The following SCAI variants were observed in gnomAD, a reference collection of about 807,000 sequenced individuals.
The protein encoded by SCAI is protein SCAI.
Under a neutral mutation model 92.2 loss-of-function variants are expected in SCAI, and 24 were observed. The ratio of observed to expected loss-of-function variants is 0.26; its 90% CI spans 0.19 to 0.37. The LOEUF (loss-of-function observed/expected upper bound fraction) is 0.37. Ranked by LOEUF, SCAI falls within the 10% of genes least tolerant of loss-of-function variation. The probability of loss-of-function intolerance (pLI) is 1.00; values close to 1 mark genes in which losing one functional copy is unlikely to be tolerated. For synonymous variants in SCAI, 261 were observed against 258.6 expected (o/e 1.01, Z -0.09); for missense variants, 450 against 736.2 (o/e 0.61, Z 4.50).
At chr9:125,016,047 G>T (rs1252943126) in intron 9 of SCAI, among the ~76,000 whole-genome samples, 1 of 104,622 alleles carries the variant, frequency 9.6e-6, no homozygotes, top group Non-Finnish European at 1.8e-5. Context: ...GGGGGAGGGG[G>T]GAGGGATAGC....
intron 2 of SCAI, among the ~76,000 whole-genome samples, chr9:125,093,570 T>C (rs571058455): frequency 1.1e-4 from 17 of 149,500 alleles, no homozygotes; most frequent in Admixed American, 3.3e-4. Context: ...ACACCTCCTT[T>C]TTTTTTTTTT....
intron 2 of SCAI, among the ~76,000 whole-genome samples, chr9:125,116,845 C>A (rs1204060580): frequency 6.6e-6 from 1 of 151,888 alleles, no homozygotes; most frequent in Middle Eastern, 3.2e-3. Context: ...TAGTATTTTC[C>A]ATAAAATAAA....
intron 2 of SCAI, among the ~76,000 whole-genome samples, chr9:125,072,657 G>A (rs1224331224): frequency 2.6e-5 from 4 of 152,108 alleles, no homozygotes; most frequent in Non-Finnish European, 2.9e-5. Context: ...TTGTAAAACT[G>A]AAATTCTATA....
chr9:124,968,943 GGA>G, intron 17 of SCAI: 2 of 325,552 alleles, frequency 6.1e-6, no homozygotes, highest in Non-Finnish European at 1.1e-5. Context: ...TTTATTTTTT[GGA>G]AAAAAAAAAA....
chr9:125,135,986 C>CA (rs992453709), intron 2 of SCAI, among the ~76,000 whole-genome samples: 45 of 132,346 alleles, frequency 3.4e-4, no homozygotes, highest in Admixed American at 9.0e-4. Context: ...AAAAAAAAAA[C>CA]AAAAAAAAAA....
intron 15 of SCAI, among the ~76,000 whole-genome samples, chr9:124,973,087 C>T: frequency 6.6e-6 from 1 of 152,188 alleles, no homozygotes; most frequent in East Asian, 1.9e-4. Context: ...GGTCCCAAGT[C>T]TAAACACGAA....
intron 2 of SCAI, among the ~76,000 whole-genome samples, chr9:125,126,567 G>GTGTGT (rs1835283082): frequency 2.0e-4 from 26 of 128,586 alleles, no homozygotes; most frequent in African/African-American, 7.2e-4. Context: ...GGTGGGTGTG[G>GTGTGT]GTGTGTGTGT....
chr9:124,959,342 T>C (rs1831388120), intron 17 of SCAI, among the ~76,000 whole-genome samples: 1 of 147,004 alleles, frequency 6.8e-6, no homozygotes, highest in Admixed American at 6.8e-5. Context: ...TACATATCCA[T>C]CAGAATGGTC....
intron 2 of SCAI, among the ~76,000 whole-genome samples, chr9:125,074,675 T>C (rs1340701459): frequency 1.3e-5 from 2 of 151,762 alleles, no homozygotes; most frequent in East Asian, 3.9e-4. Flanking sequence ...CTAATTTAAA[T>C]ACAAACCCAA....
At chr9:125,086,734 AGAGC>A (rs1834331774) in intron 2 of SCAI, among the ~76,000 whole-genome samples, 1 of 152,214 alleles carries the variant, frequency 6.6e-6, no homozygotes, top group Non-Finnish European at 1.5e-5. Flanking sequence ...GGCGTGGGTA[AGAGC>A]ACTGGTGTCA....
intron 3 of SCAI, among the ~76,000 whole-genome samples, chr9:125,042,659 A>ACC: frequency 7.0e-6 from 1 of 143,778 alleles, no homozygotes. Context: ...ACACACACAC[A>ACC]CACACACATA....
intron 12 of SCAI, among the ~76,000 whole-genome samples, chr9:125,001,125 T>C (rs1487780347): frequency 2.6e-5 from 4 of 152,202 alleles, no homozygotes; most frequent in Admixed American, 2.6e-4. Flanking sequence ...AATGTTGTAT[T>C]ATATTTCACT....
At chr9:125,062,381 C>T (rs1339760201) in intron 2 of SCAI, among the ~76,000 whole-genome samples, 3 of 151,164 alleles carry the variant, frequency 2.0e-5, no homozygotes, top group Non-Finnish European at 4.4e-5. Context: ...CTGCCTCAGC[C>T]TCCCAAAGTG....
chr9:125,068,939 G>A (rs1294468169), intron 2 of SCAI, among the ~76,000 whole-genome samples: 4 of 152,078 alleles, frequency 2.6e-5, no homozygotes, highest in African/African-American at 7.2e-5. Context: ...AATTTGACCA[G>A]GCGCGGTGCC....
chr9:125,018,988 A>G (rs1283580778), intron 8 of SCAI, 37 bp from the exon 9 acceptor site: 1 of 1,601,582 alleles, frequency 6.2e-7, no homozygotes, highest in Non-Finnish European at 8.5e-7. Context: ...ACGAATGGCC[A>G]AGACTAAATA....
chr9:125,143,507 A>G lies in SCAI; in HGVS notation c.-70T>C. The G allele has an allele frequency of 2.4e-6, 3 of 1,255,070 alleles. No individual in the cohort carries two copies. The highest frequency in any genetic ancestry group is 3.0e-6 in the Non-Finnish European group (3 of 984,872). 77.7% of individuals were successfully genotyped at this position (1,255,070 alleles called of 1,614,324 possible). A position where few individuals can be genotyped will look rare whatever the true frequency, so the allele number is the denominator to read the frequency against. On this transcript the variant is annotated 5_prime_UTR_variant, in exon 1 of 18. Coordinates refer to ENST00000336505, the MANE Select transcript of SCAI (RefSeq NM_001144877.3). ...CTCGCTCGGGAAGCTGAGGCGGCGGAGGCTGGAGTAGGCGGAGAGGCGGGA... is the reference window on the plus strand; with the variant it reads ...CTCGCTCGGGAAGCTGAGGCGGCGGGGGCTGGAGTAGGCGGAGAGGCGGGA...
intron 2 of SCAI, among the ~76,000 whole-genome samples, chr9:125,111,459 C>T (rs900160801): frequency 1.3e-5 from 2 of 152,154 alleles, no homozygotes; most frequent in Non-Finnish European, 2.9e-5. Flanking sequence ...CTTGTCCAAC[C>T]CATGGCCCAT....
In SCAI at chr9:124,951,591, C is replaced by A. The variant is rs1831236941; in HGVS notation, c.*1216G>T. The stretch of plus-strand genomic sequence containing the variant: ...AGCAATCAGCTCACTTCTCCTGGGA[C>A]TGCCAGATGTGATCCTGTACAGAAA... On this transcript the variant is annotated 3_prime_UTR_variant, in exon 18 of 18. Transcript: ENST00000336505. The A allele has an allele frequency of 6.6e-6, 1 of 152,146 alleles. No individual in the cohort carries two copies. 9.4% of individuals were successfully genotyped at this position (152,146 alleles called of 1,614,324 possible).
intron 2 of SCAI, among the ~76,000 whole-genome samples, chr9:125,083,476 C>G (rs1834262237): frequency 6.7e-6 from 1 of 148,670 alleles, no homozygotes; most frequent in Admixed American, 6.8e-5. Context: ...TGACATCGCA[C>G]CAATGCACTC....
Sources: gnomAD v4.1 joint callset for allele counts (sites outside exome capture counted in the v4.1 genomes callset) on GRCh38, gnomAD v4.1.1 for gene constraint, MANE v1.5 for transcripts, NCBI Gene and HGNC (gene_info 2026-07-23, HGNC 2026-07-21) for gene names.